GEMIN5: variants seen among roughly 807,000 people sequenced by gnomAD.
The protein encoded by GEMIN5 is gem-associated protein 5.
A neutral mutation model predicts 176.9 loss-of-function variants in GEMIN5; 124 were observed. That is an observed-to-expected ratio of 0.70 (90% CI 0.61 to 0.81). The LOEUF (loss-of-function observed/expected upper bound fraction) is 0.81, where lower values mean the gene tolerates loss of function less well. Ranked by LOEUF, GEMIN5 falls within the 40% of genes least tolerant of loss-of-function variation. The pLI, the probability that GEMIN5 is intolerant of heterozygous loss-of-function variation, is 0.00. For missense variants in GEMIN5, 1,843 were observed against 1,814.6 expected (o/e 1.02, Z -0.28); for synonymous variants, 673 against 665.2 (o/e 1.01, Z -0.18).
At chr5:154,928,435 G>A (rs1764089749) in intron 6 of GEMIN5, 92 bp downstream of exon 6, 1 of 1,114,218 alleles carries the variant, frequency 9.0e-7, no homozygotes, top group Non-Finnish European at 1.3e-6. Flanking sequence ...CATAATACAA[G>A]CCTTGGCCAT....
At chr5:154,914,720 T>C (rs146719950) in intron 13 of GEMIN5, among the ~76,000 whole-genome samples, 7 of 152,234 alleles carry the variant, frequency 4.6e-5, no homozygotes, top group Middle Eastern at 6.8e-3. Flanking sequence ...GTTGGGATTA[T>C]AGGCATGAGC....
Position 154,902,619 on chromosome 5 carries a change from T to C in GEMIN5, c.2786A>G (p.Lys929Arg). The C allele has an allele frequency of 6.2e-7, 1 of 1,613,988 alleles. No individual in the cohort carries two copies. The highest frequency in any genetic ancestry group is 1.1e-5 in the South Asian group (1 of 91,080). ...CTGGAGAACACCTTTGAGATCTCCT[T>C]TCCAAAGCATAAGCTGGTGAAATAA... ...PELFHQLMLW[K>R]GDLKGVLQTA... The change falls in exon 20 of 28, where the codon AAA becomes AGA. Residue 929 changes from lysine to arginine, a missense_variant. By Grantham distance (26) the Lys-to-Arg change is conservative (BLOSUM62 2). Coordinates refer to ENST00000285873, the MANE Select transcript of GEMIN5 (RefSeq NM_015465.5).
chr5:154,898,632 A>T lies in GEMIN5; in HGVS notation c.3153T>A (p.Cys1051Ter). The change falls in exon 23 of 28, where the codon TGT (cysteine) becomes TGA (stop). Residue 1051 changes from cysteine to a stop codon, truncating the protein, a stop_gained. Transcript: ENST00000285873. LOFTEE classifies it high-confidence loss of function. ...VAAKCYLGAT[C>*]AYDAAKVLAK... is the part of the protein sequence containing the mutation. Reference sequence around the variant, plus strand: ...CCAAAACTTTGGCTGCATCATAAGCACAAGTGGCCCCTAAATAGCTATAAT... The same window carrying T: ...CCAAAACTTTGGCTGCATCATAAGCTCAAGTGGCCCCTAAATAGCTATAAT... The T allele has an allele frequency of 6.2e-7, 1 of 1,612,876 alleles. No homozygotes were observed. Among genetic ancestry groups the T allele is most frequent in the Non-Finnish European group, 8.5e-7 (1 of 1,178,814 alleles).
intron 5 of GEMIN5, among the ~76,000 whole-genome samples, chr5:154,929,348 G>A (rs1325671690): frequency 6.6e-6 from 1 of 152,194 alleles, no homozygotes; most frequent in Admixed American, 6.5e-5. Flanking sequence ...AAAGTGAAAA[G>A]GACAGAGGTT....
chr5:154,921,392 C>A lies in GEMIN5; in HGVS notation c.1413G>T (p.Lys471Asn), dbSNP rs376922154. The change falls in exon 10 of 28, where the codon AAG becomes AAT. Residue 471 changes from lysine (K) to asparagine (N), a missense_variant. Physicochemically the swap from Lys to Asn is moderately conservative, Grantham distance 94. Coordinates refer to ENST00000285873, the MANE Select transcript of GEMIN5 (RefSeq NM_015465.5). ...PPQISSTYHK[K>N]TVYTLAWGPP... ...GCCCCCAGGCTAAAGTATATACAGT[C>A]TTCTTATGATATGTGCTAGAAATCT... is the stretch of plus-strand genomic sequence containing the variant. 4.7e-6 allele frequency: 7 copies of A among 1,489,028 alleles called. No homozygotes were observed. Among genetic ancestry groups the A allele is most frequent in the African/African-American group, 1.4e-5 (1 of 70,566 alleles). The allele number at this position is 1,489,028 out of a possible 1,614,324, so 92.2% of individuals were successfully genotyped here. A position where few individuals can be genotyped will look rare whatever the true frequency, so the allele number is the denominator to read the frequency against.
intron 15 of GEMIN5, among the ~76,000 whole-genome samples, chr5:154,911,443 G>C (rs967498470): frequency 1.3e-5 from 2 of 152,154 alleles, no homozygotes; most frequent in Admixed American, 1.3e-4. Context: ...AACCCAGGAG[G>C]TGGAGGCTGC....
chr5:154,891,165 G>A (rs1763216895), intron 26 of GEMIN5, 76 bp downstream of exon 26: 2 of 1,401,122 alleles, frequency 1.4e-6, no homozygotes, highest in East Asian at 4.6e-5. Flanking sequence ...AAAGTGCTGG[G>A]ATTATAGGCA....
rs746288155 is a variant in GEMIN5 at position 154,891,531 on chromosome 5, T to C, written c.3972A>G (p.Glu1324=). Residue 1324 remains glutamate (E), a synonymous_variant, in exon 26 of 28, where the codon GAA becomes GAG. Transcript: ENST00000285873. ...PSQQLDTAST[E]ETDPETSQPE... ...GCTGAGAAGTTTCAGGGTCCGTTTC[T>C]TCAGTGCTGGCAGTGTCTAACTGCT... 6.2e-7 allele frequency: 1 copy of C among 1,614,196 alleles called. No individual in the cohort carries two copies. The highest frequency in any genetic ancestry group is 2.2e-5 in the East Asian group (1 of 44,880).
intron 7 of GEMIN5, 53 bp downstream of exon 7, chr5:154,927,332 C>T: frequency 8.0e-7 from 1 of 1,252,708 alleles, no homozygotes; most frequent in Non-Finnish European, 1.1e-6. Flanking sequence ...TCTCATCCCA[C>T]CCAAGTTGTA....
Position 154,892,461 on chromosome 5 carries a change from C to T in GEMIN5, c.3686G>A (p.Arg1229Gln), listed in dbSNP as rs376800594. The T allele has an allele frequency of 3.0e-5, 49 of 1,614,074 alleles. No homozygotes were observed. The African/African-American group carries it at 5.3e-4, about 18-fold the overall frequency. Residue 1229 changes from arginine (R) to glutamine (Q), a missense_variant, in exon 25 of 28, where the codon CGG becomes CAG. Physicochemically the swap from Arg to Gln is conservative, Grantham distance 43. Transcript: ENST00000285873. ...SWDEAVQALL[R>Q]AVVRSYDSGS... ...TGAGTCATAGCTCCGGACCACCGCC[C>T]GAAGGAGCGCCTGCACAGCCTCGTC... is the stretch of plus-strand genomic sequence containing the variant.
chr5:154,926,126 GA>G (rs371116122), intron 7 of GEMIN5, 52 bp from the exon 8 acceptor site: 10 of 1,177,748 alleles, frequency 8.5e-6, no homozygotes, highest in African/African-American at 1.5e-5. Context: ...AGAGAAATAG[GA>G]AAAAAAACCT....
intron 21 of GEMIN5, among the ~76,000 whole-genome samples, chr5:154,900,894 G>A (rs1361074509): frequency 1.8e-5 from 2 of 111,150 alleles, no homozygotes; most frequent in African/African-American, 3.3e-5. Context: ...GGTAATTCTA[G>A]AATATGATAA....
At chr5:154,928,744 T>C in intron 5 of GEMIN5, 85 bp from the exon 6 acceptor site, 1 of 1,234,346 alleles carries the variant, frequency 8.1e-7, no homozygotes, top group Non-Finnish European at 1.2e-6. Context: ...ACACACAGTC[T>C]GCGCTGTAAA....
At chr5:154,910,857 C>A (rs976969918) in intron 15 of GEMIN5, among the ~76,000 whole-genome samples, 1 of 152,144 alleles carries the variant, frequency 6.6e-6, no homozygotes, top group Non-Finnish European at 1.5e-5. Context: ...CGCCAACACG[C>A]CCGGGTAATT....
At chr5:154,910,354 T>A (rs1480634466) in intron 15 of GEMIN5, among the ~76,000 whole-genome samples, 3 of 152,224 alleles carry the variant, frequency 2.0e-5, no homozygotes, top group Non-Finnish European at 4.4e-5. Flanking sequence ...TCCCCCTATG[T>A]TGTCCAGGTT....
At chr5:154,928,927 GTATT>G (rs1424512183) in intron 5 of GEMIN5, among the ~76,000 whole-genome samples, 1 of 151,756 alleles carries the variant, frequency 6.6e-6, no homozygotes, top group Non-Finnish European at 1.5e-5. Context: ...CGTATTAAGA[GTATT>G]TTTTTTTTTT....
chr5:154,905,705 T>C (rs1402120971), intron 16 of GEMIN5, among the ~76,000 whole-genome samples: 1 of 151,728 alleles, frequency 6.6e-6, no homozygotes, highest in Non-Finnish European at 1.5e-5. Context: ...CTTTGGTTTT[T>C]TTTTTTTTTT....
intron 23 of GEMIN5, 34 bp from the exon 24 acceptor site, chr5:154,896,377 T>C (rs750201423): frequency 3.9e-6 from 6 of 1,531,196 alleles, no homozygotes; most frequent in Admixed American, 2.2e-5. Flanking sequence ...GGAACTGTTA[T>C]ACAGGGAAAG....
chr5:154,936,248 C>G (rs1379425888), intron 2 of GEMIN5, among the ~76,000 whole-genome samples: 1 of 152,096 alleles, frequency 6.6e-6, no homozygotes, highest in African/African-American at 2.4e-5. Context: ...AACCCCATCT[C>G]TGCTAAAAAC....
Sources: allele counts gnomAD v4.1 joint callset (sites outside exome capture counted in the v4.1 genomes callset), GRCh38; gene constraint gnomAD v4.1.1; transcripts MANE v1.5; gene names NCBI Gene and HGNC (gene_info 2026-07-23, HGNC 2026-07-21).